CTNNA2: variants seen among roughly 807,000 people sequenced by gnomAD.
The protein encoded by CTNNA2 is catenin alpha-2.
In CTNNA2, 42 loss-of-function variants were observed where a neutral mutation model predicts 101.0. The observed-to-expected ratio is 0.42, with a 90% confidence interval of 0.32 to 0.54. CTNNA2 has a LOEUF of 0.54. Among genes scored for constraint, CTNNA2 ranks in the 20% least tolerant of loss-of-function variants. CTNNA2 has a pLI of 0.14. For missense variants in CTNNA2, 871 were observed against 1,223.1 expected, an observed-to-expected ratio of 0.71 and a Z score of 4.29; for synonymous variants, 450 against 456.4, an observed-to-expected ratio of 0.99 and a Z score of 0.18.
chr2:80,238,823 G>A (rs1180685544), intron 7 of CTNNA2, among the ~76,000 whole-genome samples: 1 of 152,176 alleles, frequency 6.6e-6, no homozygotes, highest in Non-Finnish European at 1.5e-5. Context: ...TTGTCTCTAA[G>A]TCTCACTCCT....
At chr2:79,221,380 T>A (rs928458414) in intron 2 of CTNNA2, among the ~76,000 whole-genome samples, 3 of 152,196 alleles carry the variant, frequency 2.0e-5, no homozygotes, top group African/African-American at 7.2e-5. Context: ...CTCAAACTTC[T>A]GGCCTCAATC....
intron 4 of CTNNA2, among the ~76,000 whole-genome samples, chr2:79,422,894 T>G (rs1167979101): frequency 6.6e-6 from 1 of 152,226 alleles, no homozygotes; most frequent in African/African-American, 2.4e-5. Flanking sequence ...ATTAATTTTT[T>G]ATGAGGAGGG....
chr2:79,507,833 T>C (rs1456080156), intron 5 of CTNNA2, among the ~76,000 whole-genome samples: 2 of 152,170 alleles, frequency 1.3e-5, no homozygotes, highest in Non-Finnish European at 2.9e-5. Context: ...GCTACACATA[T>C]TTCTCTTAAA....
chr2:79,703,595 G>GT (rs1685153447), intron 2 of CTNNA2, among the ~76,000 whole-genome samples: 2 of 152,146 alleles, frequency 1.3e-5, no homozygotes, highest in African/African-American at 4.8e-5. Flanking sequence ...CTGCCTTCCA[G>GT]TTAGGTACAT....
chr2:80,165,607 T>C (rs1704628798), intron 7 of CTNNA2, among the ~76,000 whole-genome samples: 1 of 152,168 alleles, frequency 6.6e-6, no homozygotes, highest in Admixed American at 6.6e-5. Flanking sequence ...CTCCCATTGC[T>C]GCTGGAAAGG....
chr2:80,366,751 G>C (rs1674972836), intron 7 of CTNNA2, among the ~76,000 whole-genome samples: 1 of 152,116 alleles, frequency 6.6e-6, no homozygotes, highest in African/African-American at 2.4e-5. Context: ...TCTGAGACAG[G>C]TCTCAGTTAC....
At chr2:80,086,209 A>G (rs943325171) in intron 7 of CTNNA2, among the ~76,000 whole-genome samples, 1 of 152,126 alleles carries the variant, frequency 6.6e-6, no homozygotes, top group Non-Finnish European at 1.5e-5. Flanking sequence ...AAACAAATGA[A>G]TAAATGAATT....
intron 3 of CTNNA2, among the ~76,000 whole-genome samples, chr2:79,772,038 T>C (rs1201253222): frequency 6.6e-6 from 1 of 151,592 alleles, no homozygotes; most frequent in Non-Finnish European, 1.5e-5. Flanking sequence ...TTTTTTCTTT[T>C]CTTTTGATGG....
intron 7 of CTNNA2, among the ~76,000 whole-genome samples, chr2:80,039,504 C>T (rs540014118): frequency 6.6e-6 from 1 of 152,318 alleles, no homozygotes; most frequent in Non-Finnish European, 1.5e-5. Context: ...CTGACTTCTA[C>T]ACTGAGCAAG....
intron 7 of CTNNA2, among the ~76,000 whole-genome samples, chr2:80,347,833 C>CTT (rs1672892811): frequency 2.2e-5 from 3 of 133,548 alleles, no homozygotes; most frequent in Non-Finnish European, 4.7e-5. Context: ...TTTCCTTTTT[C>CTT]TTTTCTTTTC....
chr2:79,494,285 T>G (rs1025746515), intron 4 of CTNNA2, among the ~76,000 whole-genome samples: 1 of 152,006 alleles, frequency 6.6e-6, no homozygotes, highest in African/African-American at 2.4e-5. Context: ...CTATTTTTTT[T>G]TTTTTTCAGA....
intron 3 of CTNNA2, among the ~76,000 whole-genome samples, chr2:79,804,441 G>A (rs1042881006): frequency 6.6e-6 from 1 of 152,056 alleles, no homozygotes; most frequent in African/African-American, 2.4e-5. Flanking sequence ...TAAAGCAATA[G>A]AAATATAATA....
intron 3 of CTNNA2, among the ~76,000 whole-genome samples, chr2:79,846,252 G>A (rs1680222855): frequency 6.6e-6 from 1 of 152,086 alleles, no homozygotes; most frequent in African/African-American, 2.4e-5. Context: ...AATTGTTCCT[G>A]TGCTTTGTTT....
chr2:80,146,644 A>G (rs2148919465), intron 7 of CTNNA2, among the ~76,000 whole-genome samples: 1 of 144,290 alleles, frequency 6.9e-6, no homozygotes, highest in African/African-American at 2.5e-5. Context: ...AACCAAGAAG[A>G]TTGATCATTT....
intron 7 of CTNNA2, among the ~76,000 whole-genome samples, chr2:80,247,061 A>C (rs1056961174): frequency 6.6e-6 from 1 of 152,200 alleles, no homozygotes; most frequent in Non-Finnish European, 1.5e-5. Flanking sequence ...TGTGCCCAGC[A>C]CCATAAGGCA....
intron 2 of CTNNA2, among the ~76,000 whole-genome samples, chr2:79,701,439 T>C (rs925486306): frequency 6.6e-6 from 1 of 152,156 alleles, no homozygotes; most frequent in African/African-American, 2.4e-5. Context: ...CTTGTCACTG[T>C]AATGTTCTTC....
At chr2:80,097,894 G>C (rs1397511318) in intron 7 of CTNNA2, among the ~76,000 whole-genome samples, 1 of 152,086 alleles carries the variant, frequency 6.6e-6, no homozygotes, top group Non-Finnish European at 1.5e-5. Context: ...GGTTATTCTA[G>C]TTAGCCATGC....
At chr2:79,626,700 T>C (rs1379234776) in intron 1 of CTNNA2, among the ~76,000 whole-genome samples, 1 of 150,874 alleles carries the variant, frequency 6.6e-6, no homozygotes, top group African/African-American at 2.4e-5. Context: ...TGAATATGAA[T>C]CTGGAAAGCT....
intron 4 of CTNNA2, among the ~76,000 whole-genome samples, chr2:79,503,208 A>T: frequency 6.6e-6 from 1 of 152,146 alleles, no homozygotes; most frequent in Admixed American, 6.5e-5. Flanking sequence ...CTCACAAAGA[A>T]CAGGGCTCAT....
Sources: gnomAD v4.1 joint callset for allele counts (sites outside exome capture counted in the v4.1 genomes callset) on GRCh38, gnomAD v4.1.1 for gene constraint, MANE v1.5 for transcripts, NCBI Gene and HGNC (gene_info 2026-07-23, HGNC 2026-07-21) for gene names.